Variants in ASIC2 observed in about 807,000 individuals in gnomAD.
The protein encoded by ASIC2 is acid-sensing ion channel 2.
Under a neutral mutation model 57.3 loss-of-function variants are expected in ASIC2, and 25 were observed. The observed-to-expected ratio is 0.44, with a 90% CI of 0.32 to 0.61. The LOEUF is 0.61. Among genes scored for constraint, ASIC2 ranks in the 20% least tolerant of loss-of-function variants. The pLI is 0.06. For synonymous variants in ASIC2, 319 were observed against 307.5 expected (o/e 1.04, Z -0.39); for missense variants, 641 against 738.1 (o/e 0.87, Z 1.52).
intron 1 of ASIC2, among the ~76,000 whole-genome samples, chr17:33,995,537 G>A (rs139986912): frequency 9.9e-5 from 15 of 152,130 alleles, no homozygotes; most frequent in African/African-American, 3.6e-4. Context: ...CCAGCTTTAT[G>A]GAAGAACAAC....
chr17:33,906,011 A>ATTT (rs72050716), intron 1 of ASIC2, among the ~76,000 whole-genome samples: 20 of 132,558 alleles, frequency 1.5e-4, no homozygotes, highest in South Asian at 4.8e-4. Flanking sequence ...TTTTAATTAA[A>ATTT]TTTTTTTTTT....
chr17:33,745,733 G>A (rs1040047513), intron 1 of ASIC2, among the ~76,000 whole-genome samples: 1 of 151,918 alleles, frequency 6.6e-6, no homozygotes, highest in South Asian at 2.1e-4. Flanking sequence ...TAAAATAAAG[G>A]CATTTTCTGA....
intron 1 of ASIC2, among the ~76,000 whole-genome samples, chr17:33,325,120 G>GAAACAAAC (rs370199299): frequency 6.6e-6 from 1 of 152,104 alleles, no homozygotes; most frequent in Non-Finnish European, 1.5e-5. Flanking sequence ...GATGCCACAA[G>GAAACAAAC]AAACAAACAA....
intron 1 of ASIC2, among the ~76,000 whole-genome samples, chr17:33,183,278 T>C (rs1906058649): frequency 6.6e-6 from 1 of 152,240 alleles, no homozygotes; most frequent in Non-Finnish European, 1.5e-5. Flanking sequence ...GTGACTTTGA[T>C]GAAACAGTTT....
chr17:33,381,432 G>A (rs56144928), intron 1 of ASIC2, among the ~76,000 whole-genome samples: 15,193 of 152,246 alleles, frequency 0.1, 877 homozygotes, highest in Non-Finnish European at 0.13. Flanking sequence ...CAGCCCAGCC[G>A]CAGGCTTCCT....
chr17:33,788,168 A>C (rs1240601731), intron 1 of ASIC2, among the ~76,000 whole-genome samples: 1 of 152,198 alleles, frequency 6.6e-6, no homozygotes, highest in Non-Finnish European at 1.5e-5. Flanking sequence ...CCATCTGACA[A>C]AGGTCTAATT....
chr17:33,852,749 C>G (rs1419224642), intron 1 of ASIC2, among the ~76,000 whole-genome samples: 1 of 152,158 alleles, frequency 6.6e-6, no homozygotes, highest in Non-Finnish European at 1.5e-5. Context: ...TCACACAGAT[C>G]TTCGATGGAT....
At chr17:33,467,398 G>A (rs529197613) in intron 1 of ASIC2, among the ~76,000 whole-genome samples, 4 of 152,248 alleles carry the variant, frequency 2.6e-5, no homozygotes, top group South Asian at 4.1e-4. Context: ...AAAATTCTAA[G>A]TCCCCCAACC....
At chr17:33,345,691 TG>T (rs1907914741) in intron 1 of ASIC2, among the ~76,000 whole-genome samples, 1 of 152,186 alleles carries the variant, frequency 6.6e-6, no homozygotes. Flanking sequence ...AAGCAAAGAC[TG>T]AATCATACAG....
At chr17:33,897,473 A>G (rs555324136) in intron 1 of ASIC2, among the ~76,000 whole-genome samples, 1 of 152,248 alleles carries the variant, frequency 6.6e-6, no homozygotes, top group Admixed American at 6.5e-5. Context: ...ATATGGTGGT[A>G]TACAACAAAT....
chr17:33,304,235 A>G (rs979319840), intron 1 of ASIC2, among the ~76,000 whole-genome samples: 1 of 152,346 alleles, frequency 6.6e-6, no homozygotes, highest in Middle Eastern at 3.4e-3. Context: ...GAGTCCAAAG[A>G]GCACATCCAA....
intron 1 of ASIC2, among the ~76,000 whole-genome samples, chr17:33,383,654 C>A (rs564793286): frequency 7.2e-5 from 11 of 152,318 alleles, no homozygotes; most frequent in African/African-American, 2.4e-4. Flanking sequence ...CCCACCAGGG[C>A]CCCACCCTGG....
intron 1 of ASIC2, among the ~76,000 whole-genome samples, chr17:34,068,179 T>C (rs1909242802): frequency 1.3e-5 from 2 of 152,196 alleles, no homozygotes; most frequent in East Asian, 1.9e-4. Context: ...CTTCTCAACA[T>C]TTCTTTCTTC....
intron 1 of ASIC2, among the ~76,000 whole-genome samples, chr17:33,482,615 C>G (rs1597745752): frequency 6.6e-6 from 1 of 152,238 alleles, no homozygotes; most frequent in African/African-American, 2.4e-5. Context: ...ATTCCACAGA[C>G]AAGGAGACTG....
chr17:33,276,476 C>T (rs1387984603), intron 1 of ASIC2, among the ~76,000 whole-genome samples: 1 of 152,232 alleles, frequency 6.6e-6, no homozygotes, highest in African/African-American at 2.4e-5. Context: ...TAGCAATATG[C>T]TGCTCAAAGA....
upstream of ASIC2, among the ~76,000 whole-genome samples, chr17:33,293,469 C>A (rs1338692657): frequency 2.0e-5 from 3 of 151,864 alleles, no homozygotes; most frequent in South Asian, 6.2e-4. Flanking sequence ...TGGTGGGGAG[C>A]GGGATGGGGA....
intron 1 of ASIC2, among the ~76,000 whole-genome samples, chr17:33,721,886 G>T (rs1343685076): frequency 6.6e-6 from 1 of 152,224 alleles, no homozygotes; most frequent in African/African-American, 2.4e-5. Context: ...GGCCAGTGTG[G>T]CTGGGTCAAA....
intron 1 of ASIC2, among the ~76,000 whole-genome samples, chr17:34,042,102 A>G (rs376114600): frequency 1.3e-5 from 2 of 152,226 alleles, no homozygotes; most frequent in African/African-American, 4.8e-5. Context: ...GTAGAGCACT[A>G]TAATCCTCAT....
intron 1 of ASIC2, among the ~76,000 whole-genome samples, chr17:33,343,555 G>A (rs909506634): frequency 7.9e-5 from 12 of 152,136 alleles, no homozygotes; most frequent in East Asian, 5.8e-4. Context: ...GGGAGTCTAC[G>A]GCTTGTTTTT....
Sources: gnomAD v4.1 joint callset for allele counts (sites outside exome capture counted in the v4.1 genomes callset) on GRCh38, gnomAD v4.1.1 for gene constraint, MANE v1.5 for transcripts, NCBI Gene and HGNC (gene_info 2026-07-23, HGNC 2026-07-21) for gene names.